The following OR14J1 variants were observed in gnomAD, a reference collection of about 807,000 sequenced individuals.
The protein encoded by OR14J1 is olfactory receptor 14J1.
For missense variants in OR14J1, 378 were observed against 393.4 expected (o/e 0.96, Z 0.33); for synonymous variants, 140 against 146.7 (o/e 0.95, Z 0.33).
rs1301174189 is a variant in OR14J1, at chr6:29,312,546, C to G, written c.*4891C>G. On this transcript the variant is annotated 3_prime_UTR_variant, in exon 2 of 2. Coordinates refer to ENST00000641895, the MANE Select transcript of OR14J1 (RefSeq NM_030946.2). Reference sequence around the variant, plus strand: ...CCCACCCTGCTTCGGCTAGCCCTCCCTGGGCTGCACCCACTGTCTAACCAG... The same window carrying G: ...CCCACCCTGCTTCGGCTAGCCCTCCGTGGGCTGCACCCACTGTCTAACCAG... The G allele has an allele frequency of 6.5e-6, 1 of 153,212 alleles. No individual in the cohort carries two copies. Among genetic ancestry groups the G allele is most frequent in the Non-Finnish European group, 1.5e-5 (1 of 68,888 alleles). The allele number at this position is 153,212 out of a possible 1,614,324, so 9.5% of individuals were successfully genotyped here. A position where few individuals can be genotyped will look rare whatever the true frequency, so the allele number is the denominator to read the frequency against.
chr6:29,303,225 C>G (rs1194912949), intron 1 of OR14J1, among the ~76,000 whole-genome samples: 1 of 152,060 alleles, frequency 6.6e-6, no homozygotes, highest in Non-Finnish European at 1.5e-5. Flanking sequence ...AACAAAAGTA[C>G]AGAAAGAAAG....
rs1775161353 is a variant in OR14J1 at position 29,307,191 on chromosome 6, G to T, written c.502G>T (p.Gly168Trp). 6.2e-7 allele frequency: 1 copy of T among 1,612,908 alleles called. No individual in the cohort carries two copies. The highest frequency in any genetic ancestry group is 8.5e-7 in the Non-Finnish European group (1 of 1,179,938). ...CATTAACTTCTCCATACCTCTCTGTGGGAAGAGAGTCATTCACCAATTCTT... is the reference window on the plus strand; with the variant it reads ...CATTAACTTCTCCATACCTCTCTGTTGGAAGAGAGTCATTCACCAATTCTT... ...AAINFSIPLC[G>W]KRVIHQFFCD... Residue 168 changes from glycine (G) to tryptophan (W), a missense_variant, in exon 2 of 2, where the codon GGG (glycine) becomes TGG (tryptophan). Gly to Trp is a radical substitution (Grantham distance 184, BLOSUM62 -2). Transcript: ENST00000641895.
chr6:29,306,829 T>C lies in OR14J1; in HGVS notation c.140T>C (p.Ile47Thr), dbSNP rs1562850361. 6.2e-7 allele frequency: 1 copy of C among 1,613,106 alleles called. No homozygotes were observed. The highest frequency in any genetic ancestry group is 8.5e-7 in the Non-Finnish European group (1 of 1,180,028). ...GGCAACCTCCTCATTATCACCATCA[T>C]TACCGTGGACCGTCGTCTCCATTCC... The part of the protein sequence containing the change: ...LTGNLLIITI[I>T]TVDRRLHSPM... The change falls in exon 2 of 2, where the codon ATT (isoleucine) becomes ACT (threonine). Residue 47 changes from isoleucine to threonine, a missense_variant. By Grantham distance (89) the Ile-to-Thr change is moderately conservative. Coordinates refer to ENST00000641895, the MANE Select transcript of OR14J1 (RefSeq NM_030946.2).
chr6:29,307,355 A>G lies in OR14J1; in HGVS notation c.666A>G (p.Thr222=), dbSNP rs756162134. The change falls in exon 2 of 2, where the codon ACA becomes ACG. Residue 222 remains threonine, a synonymous_variant. Transcript: ENST00000641895. ...IVLSYIRIFS[T]VLRIPSAEGR... is the part of the protein sequence containing the mutation. ...TCTCCTACATTCGCATCTTCTCTACAGTGCTGAGAATCCCATCAGCTGAGG... is the reference window on the plus strand; with the variant it reads ...TCTCCTACATTCGCATCTTCTCTACGGTGCTGAGAATCCCATCAGCTGAGG... 1.9e-6 allele frequency: 3 copies of G among 1,612,948 alleles called. No homozygotes were observed. The highest frequency in any genetic ancestry group is 2.2e-5 in the East Asian group (1 of 44,892).
At position 29,308,626 on chromosome 6, in the gene OR14J1, T is replaced by G. The variant is rs1775280700; in HGVS notation, c.*971T>G. The G allele has an allele frequency of 6.6e-6, 1 of 152,228 alleles. No individual in the cohort carries two copies. Among genetic ancestry groups the G allele is most frequent in the African/African-American group, 2.4e-5 (1 of 41,460 alleles). The allele number at this position is 152,228 out of a possible 1,614,324, so 9.4% of individuals were successfully genotyped here. ...GAGGCACAAATCTTGTGAATCTGAA[T>G]ATCTGATTCAATTTTGTGTAATGCT... On this transcript the variant is annotated 3_prime_UTR_variant, in exon 2 of 2. Transcript: ENST00000641895.
Position 29,307,088 on chromosome 6 carries a change from T to C in OR14J1, c.399T>C (p.Ile133=), listed in dbSNP as rs754741492. The C allele has an allele frequency of 5.6e-6, 9 of 1,612,898 alleles. No homozygotes were observed. The highest frequency in any genetic ancestry group is 7.6e-6 in the Non-Finnish European group (9 of 1,180,022). ...GTCAACCACTTCATTATGAGACTATTATGGATCCCCGTGCCTGTAGGCATG... is the reference window on the plus strand; with the variant it reads ...GTCAACCACTTCATTATGAGACTATCATGGATCCCCGTGCCTGTAGGCATG... ...AICQPLHYET[I]MDPRACRHAV... is the part of the protein sequence containing the mutation. The change falls in exon 2 of 2, where the codon ATT becomes ATC. Residue 133 remains isoleucine (I), a synonymous_variant. Coordinates refer to ENST00000641895, the MANE Select transcript of OR14J1 (RefSeq NM_030946.2).
chr6:29,305,958 A>G (rs910718247), intron 1 of OR14J1, among the ~76,000 whole-genome samples: 1 of 152,180 alleles, frequency 6.6e-6, no homozygotes, highest in African/African-American at 2.4e-5. Context: ...TCCAACCCCA[A>G]GTTGTCATAA....
rs1276571652 is a variant in OR14J1 at position 29,306,958 on chromosome 6, T to C, written c.269T>C (p.Ile90Thr). Residue 90 changes from isoleucine to threonine, a missense_variant, in exon 2 of 2, where the codon ATT (isoleucine) becomes ACT (threonine). Transcript: ENST00000641895. The part of the protein sequence containing the change: ...IANSLMGNGY[I>T]SLVQCILQVF... Reference sequence around the variant, plus strand: ...AATTCACTTATGGGCAACGGTTACATTTCTCTTGTTCAGTGCATTCTTCAG... The same window carrying C: ...AATTCACTTATGGGCAACGGTTACACTTCTCTTGTTCAGTGCATTCTTCAG... 1 of 1,613,118 alleles carries C rather than the reference T, an allele frequency of 6.2e-7. No individual in the cohort carries two copies. The highest frequency in any genetic ancestry group is 8.5e-7 in the Non-Finnish European group (1 of 1,180,038).
At chr6:29,306,609 A>C (rs544745417) in intron 1 of OR14J1, 53 bp from the exon 2 acceptor site, 1 of 815,286 alleles carries the variant, frequency 1.2e-6, no homozygotes, top group South Asian at 1.6e-5. Context: ...TTGACACACA[A>C]ATATATTAGA....
rs1245755452 is a variant in OR14J1, at chr6:29,308,247, G to A, written c.*592G>A. The A allele has an allele frequency of 6.6e-6, 1 of 152,098 alleles. No individual in the cohort carries two copies. The highest frequency in any genetic ancestry group is 1.5e-5 in the Non-Finnish European group (1 of 68,024). The allele number at this position is 152,098 out of a possible 1,614,324, so 9.4% of individuals were successfully genotyped here. On this transcript the variant is annotated 3_prime_UTR_variant, in exon 2 of 2. Transcript: ENST00000641895. ...GATTTCTCAAATAAATGGTAGTTAA[G>A]CTCTGATTCAAATTAATATTTGTCT...
At position 29,307,800 on chromosome 6, in the gene OR14J1, CTAA is replaced by C; in HGVS notation, c.*151_*153del. ...TCTTTAAAATTTAAGATGTTGTGCT[CTAA>C]TAATATTAGCTTTCCTTCCTCCCTC... On this transcript the variant is annotated 3_prime_UTR_variant, in exon 2 of 2. Coordinates refer to ENST00000641895, the MANE Select transcript of OR14J1 (RefSeq NM_030946.2). 1.9e-6 allele frequency: 1 copy of C among 534,794 alleles called. No individual in the cohort carries two copies. Among genetic ancestry groups the C allele is most frequent in the Non-Finnish European group, 3.2e-6 (1 of 310,770 alleles). The allele number at this position is 534,794 out of a possible 1,614,324, so 33.1% of individuals were successfully genotyped here.
In OR14J1 at chr6:29,307,871, G is replaced by T; in HGVS notation, c.*216G>T. The T allele has an allele frequency of 2.2e-6, 1 of 452,046 alleles. No homozygotes were observed. Among genetic ancestry groups the T allele is most frequent in the African/African-American group, 2.0e-5 (1 of 50,192 alleles). 28.0% of individuals were successfully genotyped at this position (452,046 alleles called of 1,614,324 possible). A position where few individuals can be genotyped will look rare whatever the true frequency, so the allele number is the denominator to read the frequency against. Reference sequence around the variant, plus strand: ...TAAGTCATCTTTGGAAAATTTTTCTGAAATGAAGGAGAAAGACAATTAGTT... The same window carrying T: ...TAAGTCATCTTTGGAAAATTTTTCTTAAATGAAGGAGAAAGACAATTAGTT... On this transcript the variant is annotated 3_prime_UTR_variant, in exon 2 of 2. Coordinates refer to ENST00000641895, the MANE Select transcript of OR14J1 (RefSeq NM_030946.2).
chr6:29,304,120 G>C (rs1774906004), intron 1 of OR14J1, among the ~76,000 whole-genome samples: 2 of 152,082 alleles, frequency 1.3e-5, no homozygotes, highest in Admixed American at 1.3e-4. Context: ...AATTACCTAT[G>C]TTTTCTCATT....
rs1264824552 is a variant in OR14J1 at position 29,308,295 on chromosome 6, AT to A, written c.*641del. On this transcript the variant is annotated 3_prime_UTR_variant, in exon 2 of 2. Transcript: ENST00000641895. Reference sequence around the variant, plus strand: ...TCTGACTCAAACAATAAGGTCATTTATGTTCCTTACTGATGGCAAATGCATT... The same window carrying A: ...TCTGACTCAAACAATAAGGTCATTTAGTTCCTTACTGATGGCAAATGCATT... 4.6e-5 allele frequency: 7 copies of A among 152,142 alleles called. No homozygotes were observed. The highest frequency in any genetic ancestry group is 1.7e-4 in the African/African-American group (7 of 41,422). 9.4% of individuals were successfully genotyped at this position (152,142 alleles called of 1,614,324 possible). A position where few individuals can be genotyped will look rare whatever the true frequency, so the allele number is the denominator to read the frequency against.
In OR14J1 at chr6:29,307,579, C is replaced by G; in HGVS notation, c.890C>G (p.Ala297Gly). ...IYSLRNDSMK[A>G]ALRKMLSKEE... is the part of the protein sequence containing the mutation. Reference sequence around the variant, plus strand: ...AGCTTACGGAATGATTCCATGAAGGCAGCACTGAGGAAGATGCTGTCAAAG... The same window carrying G: ...AGCTTACGGAATGATTCCATGAAGGGAGCACTGAGGAAGATGCTGTCAAAG... The change falls in exon 2 of 2, where the codon GCA becomes GGA. Residue 297 changes from alanine to glycine, a missense_variant. Transcript: ENST00000641895. The G allele has an allele frequency of 6.2e-7, 1 of 1,612,098 alleles. No homozygotes were observed. The highest frequency in any genetic ancestry group is 1.1e-5 in the South Asian group (1 of 91,060).
Position 29,307,087 on chromosome 6 carries a change from T to G in OR14J1, c.398T>G (p.Ile133Ser). Residue 133 changes from isoleucine (I) to serine (S), a missense_variant, in exon 2 of 2, where the codon ATT (isoleucine) becomes AGT (serine). Physicochemically the swap from Ile to Ser is moderately radical, Grantham distance 142. Transcript: ENST00000641895. ...AICQPLHYET[I>S]MDPRACRHAV... Reference sequence around the variant, plus strand: ...TGTCAACCACTTCATTATGAGACTATTATGGATCCCCGTGCCTGTAGGCAT... The same window carrying G: ...TGTCAACCACTTCATTATGAGACTAGTATGGATCCCCGTGCCTGTAGGCAT... The G allele has an allele frequency of 6.2e-7, 1 of 1,613,068 alleles. No homozygotes were observed. Among genetic ancestry groups the G allele is most frequent in the Non-Finnish European group, 8.5e-7 (1 of 1,180,036 alleles).
rs1343043978 is a variant in OR14J1 at position 29,308,167 on chromosome 6, C to T, written c.*512C>T. 1 of 152,078 alleles carries T rather than the reference C, an allele frequency of 6.6e-6. No homozygotes were observed. The highest frequency in any genetic ancestry group is 2.4e-5 in the African/African-American group (1 of 41,410). 9.4% of individuals were successfully genotyped at this position (152,078 alleles called of 1,614,324 possible). ...AACTCTTCTAGCTATAACATATTGTCCCCATTTTGCCAATAGGAACAATAA... is the reference window on the plus strand; with the variant it reads ...AACTCTTCTAGCTATAACATATTGTTCCCATTTTGCCAATAGGAACAATAA... On this transcript the variant is annotated 3_prime_UTR_variant, in exon 2 of 2. Coordinates refer to ENST00000641895, the MANE Select transcript of OR14J1 (RefSeq NM_030946.2).
At position 29,312,356 on chromosome 6, in the gene OR14J1, G is replaced by T. The variant is rs9378186; in HGVS notation, c.*4701G>T. On this transcript the variant is annotated 3_prime_UTR_variant, in exon 2 of 2. Coordinates refer to ENST00000641895, the MANE Select transcript of OR14J1 (RefSeq NM_030946.2). ...GCTTGAAACCCAGGACCCCAGTAGC[G>T]TAGGCACCCAAGGGAATCTACTGTT... 3.9e-5 allele frequency: 6 copies of T among 154,258 alleles called. No homozygotes were observed. Among genetic ancestry groups the T allele is most frequent in the African/African-American group, 1.4e-4 (6 of 41,440 alleles). The allele number at this position is 154,258 out of a possible 1,614,324, so 9.6% of individuals were successfully genotyped here. A position where few individuals can be genotyped will look rare whatever the true frequency, so the allele number is the denominator to read the frequency against.
intron 1 of OR14J1, among the ~76,000 whole-genome samples, chr6:29,302,334 G>A (rs893618799): frequency 5.3e-5 from 8 of 151,410 alleles, no homozygotes; most frequent in East Asian, 1.9e-4. Flanking sequence ...GCCCACCACC[G>A]TGCCCGGCTA....
Sources: gnomAD v4.1 joint callset for allele counts (sites outside exome capture counted in the v4.1 genomes callset) on GRCh38, gnomAD v4.1.1 for gene constraint, MANE v1.5 for transcripts, NCBI Gene and HGNC (gene_info 2026-07-23, HGNC 2026-07-21) for gene names.